VPS25: variants seen among roughly 807,000 people sequenced by gnomAD.
VPS25 encodes the protein vacuolar protein-sorting-associated protein 25.
Under a neutral mutation model 30.3 loss-of-function variants are expected in VPS25, and 21 were observed. The ratio of observed to expected loss-of-function variants is 0.69; its 90% CI spans 0.49 to 1.00. The LOEUF (loss-of-function observed/expected upper bound fraction) is 1.00. VPS25 is among the 50% of genes least tolerant of loss of function. The pLI is 0.00. For synonymous variants in VPS25, 101 were observed against 88.1 expected (o/e 1.15, Z -0.82); for missense variants, 156 against 217.2 (o/e 0.72, Z 1.77).
Position 42,778,982 on chromosome 17 carries a change from T to C in VPS25, c.444T>C (p.Thr148=). 1 of 1,614,070 alleles carries C rather than the reference T, an allele frequency of 6.2e-7. No homozygotes were observed. Among genetic ancestry groups the C allele is most frequent in the African/African-American group, 1.3e-5 (1 of 75,040 alleles). Residue 148 remains threonine (T), a synonymous_variant, in exon 6 of 6, where the codon ACT becomes ACC. Coordinates refer to ENST00000253794, the MANE Select transcript of VPS25 (RefSeq NM_032353.4). The part of the protein sequence containing the change: ...DEEFHGLDEA[T]LLRALQALQQ... ...AGTTCCACGGGCTGGATGAAGCCACTCTACTGCGGGCTCTGCAGGCCCTAC... is the reference window on the plus strand; with the variant it reads ...AGTTCCACGGGCTGGATGAAGCCACCCTACTGCGGGCTCTGCAGGCCCTAC...
chr17:42,775,480 T>C lies in VPS25; in HGVS notation c.342+11T>C, dbSNP rs2054431109. On this transcript the variant is annotated intron_variant, in intron 4 of 5. Coordinates refer to ENST00000253794, the MANE Select transcript of VPS25 (RefSeq NM_032353.4). ...CTCATCTATCAGTGGGTGAGATCAT[T>C]ATTCTGCCAAGTATTCAACAGTGAC... 9 of 1,604,738 alleles carry C rather than the reference T, an allele frequency of 5.6e-6. No individual in the cohort carries two copies. Among genetic ancestry groups the C allele is most frequent in the Non-Finnish European group, 6.8e-6 (8 of 1,171,726 alleles).
chr17:42,778,835 A>G lies in VPS25; in HGVS notation c.419-122A>G. The G allele has an allele frequency of 6.9e-6, 5 of 728,570 alleles. No individual in the cohort carries two copies. The South Asian group carries it at 8.5e-5, about 12-fold the overall frequency. 45.1% of individuals were successfully genotyped at this position (728,570 alleles called of 1,614,324 possible). On this transcript the variant is annotated intron_variant, in intron 5 of 5. Coordinates refer to ENST00000253794, the MANE Select transcript of VPS25 (RefSeq NM_032353.4). ...CCTGGGAAGTGTGGATGGCAGCTGT[A>G]GCAGTATAGATGGCTTATGCATACC...
intron 3 of VPS25, 189 bp downstream of exon 3, chr17:42,774,888 TGTGCCCTAAACCTGAAGAGAAGTG>T: frequency 1.9e-6 from 1 of 519,894 alleles, no homozygotes; most frequent in Non-Finnish European, 3.5e-6. Flanking sequence ...AATCTCTGTC[TGTGCCCTAAACCTGAAGAGAAGTG>T]GAAGAAGGAT....
chr17:42,777,806 C>T (rs2143965925), intron 5 of VPS25, among the ~76,000 whole-genome samples: 1 of 152,308 alleles, frequency 6.6e-6, no homozygotes, highest in Middle Eastern at 3.4e-3. Flanking sequence ...AGTTCTTTTT[C>T]TCCGACTCCA....
rs997586030 is a variant in VPS25, at chr17:42,773,946, G to A, written c.199+68G>A. ...TCTGCGCTTTCACACATGCCCAGAC[G>A]CCCCCCCGCGCCAGCCCCCTTTTAC... On this transcript the variant is annotated intron_variant, in intron 2 of 5. Transcript: ENST00000253794. 4 of 1,525,598 alleles carry A rather than the reference G, an allele frequency of 2.6e-6. No individual in the cohort carries two copies. The African/African-American group carries it at 4.1e-5, about 16-fold the overall frequency. 94.5% of individuals were successfully genotyped at this position (1,525,598 alleles called of 1,614,324 possible).
At chr17:42,774,329 T>C (rs1005600034) in intron 2 of VPS25, 2 of 311,812 alleles carry the variant, frequency 6.4e-6, no homozygotes, top group African/African-American at 4.3e-5. Context: ...AGACAGAGGG[T>C]GAGGAATGAC....
chr17:42,779,192 T>C lies in VPS25; in HGVS notation c.*123T>C, dbSNP rs1297525237. 2 of 872,362 alleles carry C rather than the reference T, an allele frequency of 2.3e-6. No homozygotes were observed. Among genetic ancestry groups the C allele is most frequent in the East Asian group, 2.7e-5 (1 of 36,556 alleles). The allele number at this position is 872,362 out of a possible 1,614,324, so 54.0% of individuals were successfully genotyped here. On this transcript the variant is annotated 3_prime_UTR_variant, in exon 6 of 6. Transcript: ENST00000253794. Reference sequence around the variant, plus strand: ...ACCAGACTCAAAAGGACTCCAGTCCTGAAGGCTGGGACCTGGGGATGGGTT... The same window carrying C: ...ACCAGACTCAAAAGGACTCCAGTCCCGAAGGCTGGGACCTGGGGATGGGTT...
chr17:42,773,594 C>T, intron 1 of VPS25, 66 bp downstream of exon 1: 1 of 1,611,454 alleles, frequency 6.2e-7, no homozygotes, highest in Non-Finnish European at 8.5e-7. Context: ...TGGGCTCAGC[C>T]CTGATGCTTC....
At chr17:42,776,774 T>C (rs2054439168) in intron 5 of VPS25, among the ~76,000 whole-genome samples, 1 of 152,008 alleles carries the variant, frequency 6.6e-6, no homozygotes, top group African/African-American at 2.4e-5. Context: ...GATTCTAAGT[T>C]CTTAACCCAT....
chr17:42,773,608 T>C (rs1031457934), intron 1 of VPS25, 80 bp downstream of exon 1: 5 of 1,608,558 alleles, frequency 3.1e-6, no homozygotes, highest in Non-Finnish European at 4.3e-6. Context: ...ATGCTTCATA[T>C]GGGGAGGGGG....
chr17:42,775,553 C>T (rs1161554120), intron 4 of VPS25, 84 bp downstream of exon 4: 2 of 1,184,482 alleles, frequency 1.7e-6, no homozygotes, highest in South Asian at 2.8e-5. Flanking sequence ...AGCCGGTGTT[C>T]CCAGATCCAG....
chr17:42,776,188 T>C, intron 4 of VPS25, 57 bp from the exon 5 acceptor site: 1 of 1,477,808 alleles, frequency 6.8e-7, no homozygotes. Context: ...CTGATGAATT[T>C]ACTGTCTCCC....
intron 5 of VPS25, among the ~76,000 whole-genome samples, chr17:42,776,804 C>T (rs1369753905): frequency 6.6e-6 from 1 of 152,134 alleles, no homozygotes; most frequent in Non-Finnish European, 1.5e-5. Context: ...TTCCATAAGC[C>T]ACCTGAATTC....
intron 2 of VPS25, chr17:42,774,135 G>C: frequency 2.5e-6 from 1 of 406,256 alleles, no homozygotes; most frequent in Non-Finnish European, 4.4e-6. Context: ...CAAGTTCCAA[G>C]TTTTTTAACC....
At chr17:42,775,592 G>T in intron 4 of VPS25, 123 bp downstream of exon 4, 1 of 740,158 alleles carries the variant, frequency 1.4e-6, no homozygotes, top group Admixed American at 2.8e-5. Context: ...GGGGCAGAAA[G>T]AGGAAGTGTA....
intron 1 of VPS25, 27 bp downstream of exon 1, chr17:42,773,555 G>C (rs774279366): frequency 6.2e-7 from 1 of 1,614,080 alleles, no homozygotes; most frequent in Non-Finnish European, 8.5e-7. Context: ...AAGAAGCACC[G>C]CTGTGCCTCC....
intron 2 of VPS25, 124 bp from the exon 3 acceptor site, chr17:42,774,522 T>G: frequency 1.6e-6 from 1 of 632,216 alleles, no homozygotes; most frequent in Non-Finnish European, 2.7e-6. Context: ...CATATCATGT[T>G]GGGAAATTGC....
chr17:42,777,979 A>C (rs944633034), intron 5 of VPS25, among the ~76,000 whole-genome samples: 1 of 151,830 alleles, frequency 6.6e-6, no homozygotes, highest in Non-Finnish European at 1.5e-5. Flanking sequence ...CCATCACCCC[A>C]TGATTTCAGC....
chr17:42,776,445 C>G, intron 5 of VPS25, 125 bp downstream of exon 5: 3 of 798,484 alleles, frequency 3.8e-6, no homozygotes, highest in Non-Finnish European at 4.0e-6. Flanking sequence ...TCACTGCAAC[C>G]TCCGCCTCCT....
Sources: gnomAD v4.1 joint callset for allele counts (sites outside exome capture counted in the v4.1 genomes callset) on GRCh38, gnomAD v4.1.1 for gene constraint, MANE v1.5 for transcripts, NCBI Gene and HGNC (gene_info 2026-07-23, HGNC 2026-07-21) for gene names.